The following CNTN1 variants were observed in gnomAD, a reference collection of about 807,000 sequenced individuals.
The protein encoded by CNTN1 is contactin-1.
Under a neutral mutation model 126.4 loss-of-function variants are expected in CNTN1, and 38 were observed. The ratio of observed to expected loss-of-function variants is 0.30; its 90% CI spans 0.23 to 0.39. The LOEUF is 0.39. Among genes scored for constraint, CNTN1 ranks in the 10% least tolerant of loss-of-function variants. The pLI, the probability that CNTN1 is intolerant of heterozygous loss-of-function variation, is 1.00. For missense variants in CNTN1, 1,009 were observed against 1,248.4 expected (o/e 0.81, Z 2.89); for synonymous variants, 413 against 422.6 (o/e 0.98, Z 0.28).
chr12:40,917,064 G>GGTGC (rs62903960), intron 3 of CNTN1, among the ~76,000 whole-genome samples: 1 of 74,504 alleles, frequency 1.3e-5, no homozygotes, highest in East Asian at 3.2e-4. Flanking sequence ...GTGGGGGCGG[G>GGTGC]GGGGGGGGCA....
chr12:40,752,547 GCTGATGTTA>G (rs1347094530), intron 1 of CNTN1, among the ~76,000 whole-genome samples: 1 of 152,010 alleles, frequency 6.6e-6, no homozygotes, highest in Non-Finnish European at 1.5e-5. Context: ...TCCCCTTAGT[GCTGATGTTA>G]ATGAATGTGA....
chr12:40,844,066 A>G (rs997177075), intron 1 of CNTN1, among the ~76,000 whole-genome samples: 1 of 52,122 alleles, frequency 1.9e-5, no homozygotes, highest in African/African-American at 5.8e-5. Context: ...CTTTGGCACA[A>G]TGATTTTTTT....
chr12:41,008,107 G>C (rs369181124), intron 17 of CNTN1, among the ~76,000 whole-genome samples: 107 of 152,298 alleles, frequency 7.0e-4, no homozygotes, highest in African/African-American at 2.4e-3. Context: ...AAGGGGCATT[G>C]TGTGGGGAAC....
chr12:40,796,949 A>G (rs1051816792), intron 1 of CNTN1, among the ~76,000 whole-genome samples: 2 of 152,116 alleles, frequency 1.3e-5, no homozygotes, highest in African/African-American at 4.8e-5. Context: ...TCAGAGCCAC[A>G]GGTCTGAAGT....
chr12:41,048,952 C>T (rs1949610490), intron 23 of CNTN1, among the ~76,000 whole-genome samples: 1 of 152,166 alleles, frequency 6.6e-6, no homozygotes, highest in South Asian at 2.1e-4. Flanking sequence ...ATTTTCACCA[C>T]AACACCCTGT....
Position 41,025,478 on chromosome 12 carries a change from T to A in CNTN1, c.2710+142T>A, listed in dbSNP as rs545880745. ...CTTTACAGCCACACAAGATTTCCCT[T>A]AAAACGTGAATTATTGTAGATGATG... On this transcript the variant is annotated intron_variant, in intron 21 of 23. Transcript: ENST00000551295. The A allele has an allele frequency of 1.3e-4, 103 of 782,030 alleles. 2 individuals are homozygous for A. The African/African-American group carries it at 1.6e-3, about 12-fold the overall frequency. 48.4% of individuals were successfully genotyped at this position (782,030 alleles called of 1,614,324 possible).
chr12:41,031,361 A>G (rs1949142247), intron 23 of CNTN1, among the ~76,000 whole-genome samples: 1 of 152,222 alleles, frequency 6.6e-6, no homozygotes. Context: ...ACATCATTAT[A>G]TGTAATTGCC....
At chr12:40,877,988 C>CTTTT (rs199626249) in intron 1 of CNTN1, among the ~76,000 whole-genome samples, 3,579 of 109,000 alleles carry the variant, frequency 0.033, 214 homozygotes, top group Middle Eastern at 0.06. Flanking sequence ...CAGTTTTTTC[C>CTTTT]TTTTTTTTTT....
intron 1 of CNTN1, among the ~76,000 whole-genome samples, chr12:40,759,926 G>A (rs1396284562): frequency 1.3e-5 from 2 of 152,028 alleles, no homozygotes; most frequent in Non-Finnish European, 2.9e-5. Flanking sequence ...GAGAACACAA[G>A]AGTAGGTGAC....
At chr12:40,963,807 C>T (rs1258603355) in intron 15 of CNTN1, among the ~76,000 whole-genome samples, 1 of 152,016 alleles carries the variant, frequency 6.6e-6, no homozygotes, top group East Asian at 1.9e-4. Context: ...GTGTCTGATG[C>T]TTGTGAACAG....
chr12:40,859,713 A>T (rs1356025174), intron 1 of CNTN1, among the ~76,000 whole-genome samples: 1 of 152,130 alleles, frequency 6.6e-6, no homozygotes, highest in Non-Finnish European at 1.5e-5. Context: ...TTGAGATCTT[A>T]CAATTCTGTT....
intron 14 of CNTN1, among the ~76,000 whole-genome samples, chr12:40,948,145 A>T (rs1566014180): frequency 6.6e-6 from 1 of 151,810 alleles, no homozygotes; most frequent in African/African-American, 2.4e-5. Context: ...AGCATCTGAG[A>T]GTATTGGGGA....
At chr12:40,964,594 A>C (rs1947237337) in intron 15 of CNTN1, among the ~76,000 whole-genome samples, 1 of 151,470 alleles carries the variant, frequency 6.6e-6, no homozygotes. Context: ...TAAGGAAAAA[A>C]TACAGTTACA....
intron 7 of CNTN1, among the ~76,000 whole-genome samples, chr12:40,931,467 C>T (rs186141873): frequency 2.0e-5 from 3 of 152,064 alleles, no homozygotes; most frequent in Admixed American, 2.0e-4. Context: ...CAAGAGACTT[C>T]AAGTTCACAT....
At chr12:40,929,353 CA>C (rs746133164) in intron 6 of CNTN1, among the ~76,000 whole-genome samples, 3,390 of 134,924 alleles carry the variant, frequency 0.025, 103 homozygotes, top group African/African-American at 0.073. Flanking sequence ...CACACACACA[CA>C]AAAAAAAAAA....
intron 1 of CNTN1, among the ~76,000 whole-genome samples, chr12:40,712,503 C>T (rs1941943990): frequency 6.6e-6 from 1 of 152,058 alleles, no homozygotes; most frequent in African/African-American, 2.4e-5. Context: ...TTGAGAAGCA[C>T]ATATGCTAGG....
At chr12:40,810,085 A>G (rs1401182425) in intron 1 of CNTN1, among the ~76,000 whole-genome samples, 1 of 152,116 alleles carries the variant, frequency 6.6e-6, no homozygotes, top group East Asian at 1.9e-4. Context: ...AAGTTTTTAG[A>G]TAAGTACCTT....
At chr12:40,880,443 TATA>T (rs1943832771) in intron 1 of CNTN1, among the ~76,000 whole-genome samples, 1 of 152,102 alleles carries the variant, frequency 6.6e-6, no homozygotes, top group African/African-American at 2.4e-5. Flanking sequence ...GTTTTCAGGA[TATA>T]ATGATAAATA....
chr12:40,789,036 T>G (rs1940130449), intron 1 of CNTN1, among the ~76,000 whole-genome samples: 1 of 152,186 alleles, frequency 6.6e-6, no homozygotes, highest in South Asian at 2.1e-4. Flanking sequence ...TTATATATCT[T>G]TCACATCCAC....
Sources: allele counts gnomAD v4.1 joint callset (sites outside exome capture counted in the v4.1 genomes callset), GRCh38; gene constraint gnomAD v4.1.1; transcripts MANE v1.5; gene names NCBI Gene and HGNC (gene_info 2026-07-23, HGNC 2026-07-21).